IFT80: variants seen among roughly 807,000 people sequenced by gnomAD.
IFT80 encodes intraflagellar transport protein 80 homolog.
A neutral mutation model predicts 107.9 loss-of-function variants in IFT80; 79 were observed. The ratio of observed to expected loss-of-function variants is 0.73; its 90% CI spans 0.61 to 0.88. The LOEUF (loss-of-function observed/expected upper bound fraction) is 0.88. IFT80 is among the 40% of genes least tolerant of loss of function. IFT80 has a pLI of 0.00. For synonymous variants in IFT80, 299 were observed against 300.9 expected, an observed-to-expected ratio of 0.99 and a Z score of 0.07; for missense variants, 797 against 914.2, an observed-to-expected ratio of 0.87 and a Z score of 1.65.
chr3:160,355,033 C>A (rs969392871), intron 8 of IFT80, among the ~76,000 whole-genome samples: 6 of 152,206 alleles, frequency 3.9e-5, no homozygotes, highest in Non-Finnish European at 8.8e-5. Flanking sequence ...TAGTATAAAA[C>A]AGCCACACTC....
At chr3:160,306,689 A>G (rs1225867650) in intron 10 of IFT80, among the ~76,000 whole-genome samples, 1 of 152,168 alleles carries the variant, frequency 6.6e-6, no homozygotes, top group East Asian at 1.9e-4. Flanking sequence ...CCCAAATTGC[A>G]GATTCTGATT....
intron 11 of IFT80, among the ~76,000 whole-genome samples, chr3:160,302,328 T>G (rs1230993926): frequency 6.6e-6 from 1 of 152,080 alleles, no homozygotes; most frequent in Non-Finnish European, 1.5e-5. Context: ...TGGTAGGTAG[T>G]TTATTTAATT....
chr3:160,312,935 T>TAA (rs1284304766), intron 9 of IFT80, among the ~76,000 whole-genome samples: 2 of 51,834 alleles, frequency 3.9e-5, no homozygotes, highest in East Asian at 1.3e-3. Context: ...AAATATATAA[T>TAA]ATATAATAAA....
At chr3:160,353,453 G>T (rs2108356285) in intron 8 of IFT80, among the ~76,000 whole-genome samples, 1 of 152,290 alleles carries the variant, frequency 6.6e-6, no homozygotes, top group African/African-American at 2.4e-5. Flanking sequence ...GGATTCTGTT[G>T]CATGGCAAAC....
At position 160,384,564 on chromosome 3, in the gene IFT80, G is replaced by A. The variant is rs760859620; in HGVS notation, c.37C>T (p.His13Tyr). The A allele has an allele frequency of 3.4e-6, 5 of 1,482,360 alleles. No individual in the cohort carries two copies. Among genetic ancestry groups the A allele is most frequent in the Non-Finnish European group, 4.7e-6 (5 of 1,062,762 alleles). 91.8% of individuals were successfully genotyped at this position (1,482,360 alleles called of 1,614,324 possible). ...LKISLLKEPK[H>Y]QELVSCVGWT... ...AGATTTATAAGCATTAAAAGGATAT[G>A]CTTTGGTTCTTTTAAAAGAGATATC... Residue 13 changes from histidine (H) to tyrosine (Y), a missense_variant and splice_region_variant, in exon 2 of 20, where the codon CAT becomes TAT. Physicochemically the swap from His to Tyr is moderately conservative, Grantham distance 83. Transcript: ENST00000326448.
At chr3:160,267,070 A>G (rs1052554298) in intron 19 of IFT80, among the ~76,000 whole-genome samples, 1 of 152,126 alleles carries the variant, frequency 6.6e-6, no homozygotes, top group African/African-American at 2.4e-5. Flanking sequence ...CTTCTAAAAA[A>G]CATATCTCCT....
At chr3:160,374,634 T>C (rs1430107299) in intron 5 of IFT80, among the ~76,000 whole-genome samples, 1 of 152,208 alleles carries the variant, frequency 6.6e-6, no homozygotes, top group Non-Finnish European at 1.5e-5. Flanking sequence ...GCCAGTGATC[T>C]CTGAAAGAAT....
intron 8 of IFT80, among the ~76,000 whole-genome samples, chr3:160,326,411 A>G (rs1718680055): frequency 6.6e-6 from 1 of 152,184 alleles, no homozygotes; most frequent in Admixed American, 6.6e-5. Context: ...ATGACCATCA[A>G]TGCAATAATC....
At chr3:160,362,203 T>G (rs1721541821) in intron 6 of IFT80, among the ~76,000 whole-genome samples, 1 of 152,156 alleles carries the variant, frequency 6.6e-6, no homozygotes, top group African/African-American at 2.4e-5. Flanking sequence ...ATATCGCCAC[T>G]GATTTCACAG....
At chr3:160,341,659 A>AC (rs1479322734) in intron 8 of IFT80, among the ~76,000 whole-genome samples, 1 of 152,174 alleles carries the variant, frequency 6.6e-6, no homozygotes, top group Non-Finnish European at 1.5e-5. Flanking sequence ...AATAAAAAAA[A>AC]ATGTACACTT....
intron 1 of IFT80, among the ~76,000 whole-genome samples, chr3:160,384,854 CCT>C (rs1368528655): frequency 6.6e-6 from 1 of 152,184 alleles, no homozygotes; most frequent in Non-Finnish European, 1.5e-5. Flanking sequence ...CCCCAGGAGT[CCT>C]CTAAACCTGC....
At chr3:160,305,384 T>A (rs1716765227) in intron 10 of IFT80, among the ~76,000 whole-genome samples, 1 of 152,178 alleles carries the variant, frequency 6.6e-6, no homozygotes, top group Non-Finnish European at 1.5e-5. Context: ...TAATTAGTGA[T>A]TACTAATTAC....
intron 13 of IFT80, among the ~76,000 whole-genome samples, chr3:160,284,028 T>C (rs1559918536): frequency 6.6e-6 from 1 of 152,232 alleles, no homozygotes; most frequent in Non-Finnish European, 1.5e-5. Flanking sequence ...ATCCTGGATA[T>C]GAATTTCTTC....
intron 9 of IFT80, among the ~76,000 whole-genome samples, chr3:160,313,799 C>T (rs1311940620): frequency 2.6e-5 from 4 of 151,852 alleles, no homozygotes; most frequent in African/African-American, 9.7e-5. Context: ...TTAGTAGAGA[C>T]GGGGTTTCAC....
In IFT80 at chr3:160,389,917, C is replaced by G. The variant is rs6767044; in HGVS notation, c.-46-5271G>C. On this transcript the variant is annotated intron_variant, in intron 1 of 19. Transcript: ENST00000326448. ...TGAGGAATCGCCACACTGACTTCCA[C>G]AAGGGTTGAACTAGTTTACAGTCCC... is the stretch of plus-strand genomic sequence containing the variant. Among the ~76,000 whole-genome samples the G allele has an allele frequency of 3.0e-3, 456 of 152,276 alleles. 1 individual carries two copies. Among genetic ancestry groups the G allele is most frequent in the South Asian group, 0.011 (52 of 4,824 alleles).
chr3:160,383,273 C>T (rs1465729703), intron 2 of IFT80, among the ~76,000 whole-genome samples: 1 of 152,144 alleles, frequency 6.6e-6, no homozygotes, highest in Non-Finnish European at 1.5e-5. Flanking sequence ...TAAAGGCAGA[C>T]AGTAGACATG....
intron 18 of IFT80, among the ~76,000 whole-genome samples, chr3:160,275,151 A>G (rs1319955815): frequency 6.6e-6 from 1 of 152,248 alleles, no homozygotes; most frequent in Non-Finnish European, 1.5e-5. Context: ...TGTCTAGCAC[A>G]GTTAATTCCT....
chr3:160,339,650 T>A (rs1482664854), intron 8 of IFT80, among the ~76,000 whole-genome samples: 3 of 152,176 alleles, frequency 2.0e-5, no homozygotes, highest in Non-Finnish European at 4.4e-5. Context: ...TTGGCTTCGT[T>A]TGATACAAAT....
At chr3:160,315,825 G>A (rs1206470885) in intron 9 of IFT80, among the ~76,000 whole-genome samples, 5 of 152,058 alleles carry the variant, frequency 3.3e-5, no homozygotes, top group African/African-American at 1.2e-4. Flanking sequence ...TAGAGTCTAG[G>A]TTATCTTTTT....
Sources: gnomAD v4.1 joint callset for allele counts (sites outside exome capture counted in the v4.1 genomes callset) on GRCh38, gnomAD v4.1.1 for gene constraint, MANE v1.5 for transcripts, NCBI Gene and HGNC (gene_info 2026-07-23, HGNC 2026-07-21) for gene names.